The following PIGB variants were observed in gnomAD, a reference collection of about 807,000 sequenced individuals.
PIGB encodes the protein phosphatidylinositol glycan anchor biosynthesis class B.
PIGB carries 58 observed loss-of-function variants against 68.4 expected under a neutral mutation model. The observed-to-expected ratio is 0.85, with a 90% confidence interval of 0.69 to 1.06. The LOEUF is 1.06. PIGB is among the 50% of genes least tolerant of loss of function. PIGB has a pLI of 0.00. For missense variants in PIGB, 634 were observed against 655.8 expected (o/e 0.97, Z 0.36); for synonymous variants, 219 against 220.5 (o/e 0.99, Z 0.06).
intron 6 of PIGB, among the ~76,000 whole-genome samples, chr15:55,334,827 C>A (rs953141284): frequency 2.0e-5 from 3 of 152,222 alleles, no homozygotes. Flanking sequence ...TCAAGTGATT[C>A]TCCTGCCTCA....
intron 10 of PIGB, 100 bp downstream of exon 10, chr15:55,351,012 C>A: frequency 6.2e-6 from 4 of 642,120 alleles, no homozygotes; most frequent in South Asian, 2.0e-5. Flanking sequence ...GGTCACTGAT[C>A]AAATGATAAA....
intron 9 of PIGB, chr15:55,349,416 C>G (rs899230175): frequency 8.5e-5 from 13 of 152,106 alleles, no homozygotes; most frequent in African/African-American, 3.1e-4. Context: ...TGGCCTCAAG[C>G]AATCCTCTCA....
intron 3 of PIGB, among the ~76,000 whole-genome samples, chr15:55,322,887 A>G (rs566137522): frequency 6.6e-6 from 1 of 152,338 alleles, no homozygotes; most frequent in South Asian, 2.1e-4. Context: ...TGGAATCACA[A>G]GAAAATATAC....
chr15:55,336,466 T>G (rs2055538559), intron 6 of PIGB, among the ~76,000 whole-genome samples: 2 of 152,178 alleles, frequency 1.3e-5, no homozygotes, highest in Admixed American at 6.5e-5. Context: ...ACATCACAGC[T>G]TAGCCTACCA....
At chr15:55,354,698 T>G in intron 10 of PIGB, 100 bp from the exon 11 acceptor site, 1 of 878,180 alleles carries the variant, frequency 1.1e-6, no homozygotes, top group Non-Finnish European at 1.7e-6. Context: ...GTTTACAGAT[T>G]CAGATTTCAC....
intron 9 of PIGB, 65 bp from the exon 10 acceptor site, chr15:55,350,634 G>A: frequency 1.0e-6 from 1 of 952,634 alleles, no homozygotes; most frequent in South Asian, 1.4e-5. Context: ...AATTACAGAT[G>A]TATTTGCAGT....
chr15:55,327,761 C>T (rs1166663749), intron 4 of PIGB, 126 bp downstream of exon 4: 1 of 676,054 alleles, frequency 1.5e-6, no homozygotes, highest in Non-Finnish European at 2.6e-6. Flanking sequence ...AGAGGTACTT[C>T]CATAAATAAG....
In PIGB at chr15:55,331,588, C is replaced by G. The variant is rs2055415263; in HGVS notation, c.653+1734C>G. Among the ~76,000 whole-genome samples the G allele has an allele frequency of 2.6e-5, 4 of 152,138 alleles. No homozygotes were observed. The South Asian group carries it at 8.3e-4, about 32-fold the overall frequency. On this transcript the variant is annotated intron_variant, in intron 5 of 11. Coordinates refer to ENST00000164305, the MANE Select transcript of PIGB (RefSeq NM_004855.5). ...ATTAGCTGGATTTGGTGGTGCATGC[C>G]TATAATCCCAGCTACTCGGGAGGAT...
At position 55,355,457 on chromosome 15, in the gene PIGB, C is replaced by T. The variant is rs1219528152; in HGVS notation, c.*25C>T. On this transcript the variant is annotated 3_prime_UTR_variant, in exon 12 of 12. Coordinates refer to ENST00000164305, the MANE Select transcript of PIGB (RefSeq NM_004855.5). ...AACTTTCCTAGATAAATTAACATTG[C>T]TGGGTGGAAATATTCAGATGCTGCT... 5 of 1,581,266 alleles carry T rather than the reference C, an allele frequency of 3.2e-6. No individual in the cohort carries two copies. Among genetic ancestry groups the T allele is most frequent in the Middle Eastern group, 1.7e-4 (1 of 5,920 alleles).
intron 2 of PIGB, 22 bp downstream of exon 2, chr15:55,320,432 C>T: frequency 6.2e-7 from 1 of 1,609,092 alleles, no homozygotes; most frequent in Non-Finnish European, 8.5e-7. Flanking sequence ...GGTTTCTTTT[C>T]CAGACTATGA....
At chr15:55,352,514 T>C (rs544273186) in intron 10 of PIGB, among the ~76,000 whole-genome samples, 4 of 152,086 alleles carry the variant, frequency 2.6e-5, no homozygotes, top group Non-Finnish European at 5.9e-5. Context: ...AGGCTGGGCG[T>C]TGTGGCTCAC....
rs1455231643 is a variant in PIGB, at chr15:55,320,295, T to G, written c.184T>G (p.Tyr62Asp). The change falls in exon 2 of 12, where the codon TAT (tyrosine) becomes GAT (aspartate). Residue 62 changes from tyrosine (Y) to aspartate (D), a missense_variant. Transcript: ENST00000164305. ...TTCAGATCTTCTTGGAGAAAATATT[T>G]ATCTGCTCTTGTTTACCATAGCTTT... ...RRGDLLGENI[Y>D]LLLFTIALRI... is the part of the protein sequence containing the mutation. 6.2e-7 allele frequency: 1 copy of G among 1,612,930 alleles called. No homozygotes were observed. Among genetic ancestry groups the G allele is most frequent in the Non-Finnish European group, 8.5e-7 (1 of 1,179,356 alleles).
In PIGB at chr15:55,319,310, T is replaced by G; in HGVS notation, c.60T>G (p.Thr20=). 1.2e-6 allele frequency: 2 copies of G among 1,602,056 alleles called. No individual in the cohort carries two copies. Among genetic ancestry groups the G allele is most frequent in the Non-Finnish European group, 1.7e-6 (2 of 1,174,818 alleles). Residue 20 remains threonine, a synonymous_variant, in exon 1 of 12, where the codon ACT becomes ACG. Coordinates refer to ENST00000164305, the MANE Select transcript of PIGB (RefSeq NM_004855.5). The part of the protein sequence containing the change: ...MEPGGGDASL[T]LHGLQNRSHG... ...CGGGGGGCGGAGATGCCAGCCTCAC[T>G]TTGCATGGTCTCCAGAACCGCTCCC... is the stretch of plus-strand genomic sequence containing the variant.
chr15:55,333,795 A>G, intron 5 of PIGB, 72 bp from the exon 6 acceptor site: 1 of 1,117,538 alleles, frequency 8.9e-7, no homozygotes, highest in Non-Finnish European at 1.2e-6. Flanking sequence ...GAAAATGTCA[A>G]ATCACAGTGT....
chr15:55,348,042 G>A (rs1320093102), intron 9 of PIGB, among the ~76,000 whole-genome samples: 2 of 142,384 alleles, frequency 1.4e-5, no homozygotes, highest in Non-Finnish European at 3.0e-5. Context: ...AGGCTGGAGT[G>A]CAGTGGCACG....
At chr15:55,324,375 A>G (rs1453772054) in intron 3 of PIGB, among the ~76,000 whole-genome samples, 1 of 152,160 alleles carries the variant, frequency 6.6e-6, no homozygotes, top group African/African-American at 2.4e-5. Context: ...TTACTGTAAC[A>G]TGGAAAATTA....
intron 6 of PIGB, 45 bp from the exon 7 acceptor site, chr15:55,339,222 C>T: frequency 7.0e-7 from 1 of 1,426,934 alleles, no homozygotes; most frequent in Middle Eastern, 1.7e-4. Flanking sequence ...AGTGGATTTT[C>T]AGCAAGCTCC....
Position 55,348,736 on chromosome 15 carries a change from A to G in PIGB, c.1124-1963A>G, listed in dbSNP as rs372185960. ...TGCTTCTTGTACAACCTGCAGGACC[A>G]TGAGCCAAGTAAATATAAATTAGCC... On this transcript the variant is annotated intron_variant, in intron 9 of 11. Transcript: ENST00000164305. Among the ~76,000 whole-genome samples, 143 of 152,318 alleles carry G rather than the reference A, an allele frequency of 9.4e-4. 2 individuals carry two copies. The South Asian group carries it at 0.026, about 28-fold the overall frequency.
At chr15:55,324,833 A>T in intron 3 of PIGB, 1 of 983,526 alleles carries the variant, frequency 1.0e-6, no homozygotes, top group Non-Finnish European at 1.2e-6. Context: ...AGTAAACAGA[A>T]GGTATGTACA....
Sources: gnomAD v4.1 joint callset for allele counts (sites outside exome capture counted in the v4.1 genomes callset) on GRCh38, gnomAD v4.1.1 for gene constraint, MANE v1.5 for transcripts, NCBI Gene and HGNC (gene_info 2026-07-23, HGNC 2026-07-21) for gene names.